Variants in SNX29 observed in about 807,000 individuals in gnomAD.
The protein encoded by SNX29 is sorting nexin 29, also known as sorting nexin-29.
A neutral mutation model predicts 102.1 loss-of-function variants in SNX29; 78 were observed. The ratio of observed to expected loss-of-function variants is 0.76; its 90% CI spans 0.64 to 0.92. The LOEUF (loss-of-function observed/expected upper bound fraction) is 0.92, where lower values mean the gene tolerates loss of function less well. Ranked by LOEUF, SNX29 falls within the 40% of genes least tolerant of loss-of-function variation. The pLI is 0.00. For missense variants in SNX29, 1,280 were observed against 1,061.7 expected, an observed-to-expected ratio of 1.21 and a Z score of -2.86; for synonymous variants, 580 against 414.5, an observed-to-expected ratio of 1.40 and a Z score of -4.85.
intron 20 of SNX29, among the ~76,000 whole-genome samples, chr16:12,565,781 T>G (rs374075910): frequency 6.6e-6 from 1 of 152,012 alleles, no homozygotes; most frequent in South Asian, 2.1e-4. Context: ...CATTTTCACA[T>G]CTAGAGGGCC....
chr16:12,261,260 G>C (rs9927276), intron 14 of SNX29, among the ~76,000 whole-genome samples: 90,923 of 115,942 alleles, frequency 0.78, 36,750 homozygotes, highest in African/African-American at 0.94. Flanking sequence ...GCACCCCCGG[G>C]TGAAGTGAGT....
At chr16:12,207,772 C>G (rs1178260253) in intron 14 of SNX29, among the ~76,000 whole-genome samples, 1 of 152,126 alleles carries the variant, frequency 6.6e-6, no homozygotes, top group African/African-American at 2.4e-5. Flanking sequence ...GTTTCCTAAA[C>G]CCCTGTGGTG....
chr16:12,070,008 A>G lies in SNX29; in HGVS notation c.1319+876A>G, dbSNP rs1194066588. Among the ~76,000 whole-genome samples, 4 of 152,348 alleles carry G rather than the reference A, an allele frequency of 2.6e-5. No homozygotes were observed. The East Asian group carries it at 5.8e-4, about 22-fold the overall frequency. ...TAATTTAAATATTTGTTGATATTTGATAACAAGATTTGACCATCCTAGTGT... is the reference window on the plus strand; with the variant it reads ...TAATTTAAATATTTGTTGATATTTGGTAACAAGATTTGACCATCCTAGTGT... On this transcript the variant is annotated intron_variant, in intron 10 of 20. Coordinates refer to ENST00000566228, the MANE Select transcript of SNX29 (RefSeq NM_032167.5).
chr16:12,408,457 G>A (rs965937526), intron 18 of SNX29, among the ~76,000 whole-genome samples: 39 of 152,268 alleles, frequency 2.6e-4, no homozygotes, highest in African/African-American at 8.7e-4. Flanking sequence ...TTCTGTGGCC[G>A]TCCAGTATCT....
chr16:12,513,329 G>GCCTGC (rs368518698), intron 19 of SNX29, among the ~76,000 whole-genome samples: 8 of 117,828 alleles, frequency 6.8e-5, no homozygotes, highest in South Asian at 5.5e-4. Context: ...CCCTTCCCCT[G>GCCTGC]CCTGCCCTGC....
chr16:12,523,124 C>G (rs1030668347), intron 19 of SNX29, among the ~76,000 whole-genome samples: 1 of 152,166 alleles, frequency 6.6e-6, no homozygotes, highest in Non-Finnish European at 1.5e-5. Flanking sequence ...TGTGGGAGCT[C>G]TTCACCGGGG....
intron 20 of SNX29, among the ~76,000 whole-genome samples, chr16:12,565,880 C>G (rs186784859): frequency 6.6e-6 from 1 of 152,332 alleles, no homozygotes; most frequent in African/African-American, 2.4e-5. Context: ...TCAGAACAAC[C>G]TGAGTTCCCT....
chr16:12,335,419 C>T (rs1416001711), intron 15 of SNX29, among the ~76,000 whole-genome samples: 3 of 152,132 alleles, frequency 2.0e-5, no homozygotes, highest in Non-Finnish European at 4.4e-5. Context: ...AATCCCAGCA[C>T]TTTGAGAGGC....
chr16:12,369,668 A>C (rs781476392), intron 16 of SNX29, among the ~76,000 whole-genome samples: 2 of 152,192 alleles, frequency 1.3e-5, no homozygotes, highest in Non-Finnish European at 2.9e-5. Context: ...GCTATGACGC[A>C]TCCCTCTAGA....
chr16:12,119,155 G>A (rs1274759362), intron 11 of SNX29, among the ~76,000 whole-genome samples: 1 of 152,162 alleles, frequency 6.6e-6, no homozygotes, highest in Non-Finnish European at 1.5e-5. Flanking sequence ...AACAACTCAG[G>A]ACTGGTGGCA....
At chr16:12,218,285 C>T (rs1263135184) in intron 14 of SNX29, among the ~76,000 whole-genome samples, 1 of 151,942 alleles carries the variant, frequency 6.6e-6, no homozygotes, top group African/African-American at 2.4e-5. Context: ...CCCGATGCTA[C>T]CCTTTTTAGA....
At chr16:12,275,387 C>G (rs2079213326) in intron 14 of SNX29, among the ~76,000 whole-genome samples, 1 of 152,236 alleles carries the variant, frequency 6.6e-6, no homozygotes, top group Non-Finnish European at 1.5e-5. Context: ...CTAACCTCAA[C>G]TCAGTCCAGA....
intron 14 of SNX29, among the ~76,000 whole-genome samples, chr16:12,264,222 G>A (rs1472441944): frequency 6.6e-6 from 1 of 152,196 alleles, no homozygotes; most frequent in Non-Finnish European, 1.5e-5. Context: ...CTGTTGACGT[G>A]CATCGTTTTT....
At position 12,176,611 on chromosome 16, in the gene SNX29, T is replaced by C. The variant is rs191393652; in HGVS notation, c.1596-22990T>C. Among the ~76,000 whole-genome samples, 9 of 152,336 alleles carry C rather than the reference T, an allele frequency of 5.9e-5. No individual in the cohort carries two copies. The East Asian group carries it at 1.5e-3, about 26-fold the overall frequency. ...TATTATAAGTAATCTAGAGGTGATT[T>C]AAAGTCTACCGGGGGATGTGTTTAG... On this transcript the variant is annotated intron_variant, in intron 13 of 20. Transcript: ENST00000566228.
intron 15 of SNX29, among the ~76,000 whole-genome samples, chr16:12,326,349 C>G (rs572926596): frequency 1.6e-5 from 2 of 123,182 alleles, no homozygotes; most frequent in Non-Finnish European, 3.4e-5. Context: ...TTTTCCCTGT[C>G]CAGGTGTGAG....
At chr16:12,483,115 T>TTTG (rs2088034811) in intron 19 of SNX29, among the ~76,000 whole-genome samples, 1 of 54,768 alleles carries the variant, frequency 1.8e-5, no homozygotes, top group African/African-American at 1.1e-4. Flanking sequence ...AGTTATTAAG[T>TTTG]TTTTTTTTTT....
chr16:12,510,143 C>T (rs976606862), intron 19 of SNX29, among the ~76,000 whole-genome samples: 2 of 152,182 alleles, frequency 1.3e-5, no homozygotes, highest in Non-Finnish European at 1.5e-5. Context: ...TTTGATGTAG[C>T]CCATACCGCC....
chr16:12,102,998 G>T (rs927584863), intron 11 of SNX29, among the ~76,000 whole-genome samples: 3 of 152,186 alleles, frequency 2.0e-5, no homozygotes, highest in Admixed American at 6.5e-5. Context: ...ACTTACAAGG[G>T]ATGTGAAGGA....
chr16:12,254,001 A>C (rs994778225), intron 14 of SNX29, among the ~76,000 whole-genome samples: 1 of 152,042 alleles, frequency 6.6e-6, no homozygotes, highest in African/African-American at 2.4e-5. Flanking sequence ...ACGGGCTGTG[A>C]GGTGTGAGTG....
Sources: allele counts gnomAD v4.1 joint callset (sites outside exome capture counted in the v4.1 genomes callset), GRCh38; gene constraint gnomAD v4.1.1; transcripts MANE v1.5; gene names NCBI Gene and HGNC (gene_info 2026-07-23, HGNC 2026-07-21).